PADI4: variants seen among roughly 807,000 people sequenced by gnomAD.
PADI4 encodes protein-arginine deiminase type-4.
PADI4 carries 62 observed loss-of-function variants against 75.0 expected under a neutral mutation model. That is an observed-to-expected ratio of 0.83 (90% CI 0.67 to 1.02). PADI4 has a LOEUF of 1.02. Among genes scored for constraint, PADI4 ranks in the 50% least tolerant of loss-of-function variants. PADI4 has a pLI of 0.00. For synonymous variants in PADI4, 361 were observed against 348.1 expected, an observed-to-expected ratio of 1.04 and a Z score of -0.41; for missense variants, 845 against 850.5, an observed-to-expected ratio of 0.99 and a Z score of 0.08.
In PADI4 at chr1:17,350,191, A is replaced by G. The variant is rs993981070; in HGVS notation, c.1155+2143A>G. Among the ~76,000 whole-genome samples the G allele has an allele frequency of 1.1e-4, 14 of 129,044 alleles. 4 individuals carry two copies. Among genetic ancestry groups the G allele is most frequent in the Non-Finnish European group, 2.1e-4 (12 of 57,270 alleles). The allele number at this position is 129,044 out of a possible 152,430, so 84.7% of individuals were successfully genotyped here. ...GCTGGGCCTGAGGCTGTTATGCCTT[A>G]CGCTGTCCATCGGGCAGCTGGCACA... On this transcript the variant is annotated intron_variant, in intron 10 of 15. Transcript: ENST00000375448.
At chr1:17,325,877 T>C (rs1045463685) in intron 1 of PADI4, among the ~76,000 whole-genome samples, 9 of 152,166 alleles carry the variant, frequency 5.9e-5, no homozygotes, top group Non-Finnish European at 1.3e-4. Context: ...TTAATTTTTG[T>C]ATTTTTAGTA....
chr1:17,335,153 A>G (rs2074287842), intron 3 of PADI4, among the ~76,000 whole-genome samples: 1 of 115,216 alleles, frequency 8.7e-6, no homozygotes, highest in South Asian at 2.9e-4. Context: ...AAAAATATAT[A>G]TATACACACA....
chr1:17,356,410 G>C lies in PADI4; in HGVS notation c.1509G>C (p.Glu503Asp). ...GGTCCTGCTACAAACTGTTCCAGGA[G>C]CAGCAGAATGAGGGCCACGGGGAGG... ...SPRSCYKLFQ[E>D]QQNEGHGEAL... Residue 503 changes from glutamate (E) to aspartate (D), a missense_variant, in exon 13 of 16, where the codon GAG (glutamate) becomes GAC (aspartate). Coordinates refer to ENST00000375448, the MANE Select transcript of PADI4 (RefSeq NM_012387.3). This position sits in a 1 kb window ranked among gnomAD's most constrained non-coding sequence, Gnocchi z 4.1. 6.2e-7 allele frequency: 1 copy of C among 1,613,772 alleles called. No homozygotes were observed. The highest frequency in any genetic ancestry group is 1.1e-5 in the South Asian group (1 of 91,028).
In PADI4 at chr1:17,359,392, CT is replaced by C. The variant is rs747053329; in HGVS notation, c.1748del (p.Phe583SerfsTer5). 7 of 1,613,972 alleles carry C rather than the reference CT, an allele frequency of 4.3e-6. No homozygotes were observed. In the South Asian group the frequency reaches 6.6e-5, roughly 15 times the overall value. On this transcript the variant is annotated frameshift_variant, in exon 15 of 16. Transcript: ENST00000375448. LOFTEE classifies it high-confidence loss of function. ...CTCAAAGAGTTCTCTAAGGCGGAAG[CT>C]TTTTTCCCCAACATGGTGAGGAGGT... is the stretch of plus-strand genomic sequence containing the variant. ...FKLKEFSKAE[A>X]FFPNMVNMLV...
intron 6 of PADI4, among the ~76,000 whole-genome samples, chr1:17,340,800 T>C (rs1570049518): frequency 6.6e-6 from 1 of 151,120 alleles, no homozygotes; most frequent in Non-Finnish European, 1.5e-5. Context: ...CTTTTTTTTT[T>C]TTTTTTTAAT....
intron 4 of PADI4, among the ~76,000 whole-genome samples, chr1:17,336,719 A>G (rs2074319181): frequency 6.6e-6 from 1 of 152,210 alleles, no homozygotes; most frequent in African/African-American, 2.4e-5. Flanking sequence ...GCTGTCTTAA[A>G]CCAGAGTCTG....
chr1:17,353,747 C>G (rs1317289412), intron 10 of PADI4, among the ~76,000 whole-genome samples: 9 of 152,094 alleles, frequency 5.9e-5, no homozygotes, highest in Admixed American at 2.0e-4. Flanking sequence ...GCGGGAGGGC[C>G]TGTGATGATG....
chr1:17,352,151 A>C (rs866095172), intron 10 of PADI4, among the ~76,000 whole-genome samples: 20 of 124,424 alleles, frequency 1.6e-4, no homozygotes, highest in African/African-American at 6.6e-4. Flanking sequence ...TAGGAGAGGC[A>C]ATCAGGGAGG....
In PADI4 at chr1:17,346,749, C is replaced by T. The variant is rs1173962458; in HGVS notation, c.1047+610C>T. ...GCCTTGCTTTGCCTCGGGACCCTGT[C>T]CTTCCATGCCGCACCCCTGCGGTGC... On this transcript the variant is annotated intron_variant, in intron 9 of 15. Transcript: ENST00000375448. The surrounding 1 kb of genome is among the most constrained non-coding windows in gnomAD (Gnocchi z 4.3). 6.6e-6 allele frequency among the ~76,000 whole-genome samples: 1 copy of T among 152,142 alleles called. No homozygotes were observed. The highest frequency in any genetic ancestry group is 2.4e-5 in the African/African-American group (1 of 41,430).
chr1:17,352,215 G>GCAATCAGGGA (rs1557577608), intron 10 of PADI4, among the ~76,000 whole-genome samples: 10 of 107,510 alleles, frequency 9.3e-5, no homozygotes, highest in Admixed American at 6.2e-4. Flanking sequence ...GTGGTAAGAG[G>GCAATCAGGGA]GGTGGTCAGG....
Position 17,339,703 on chromosome 1 carries a change from C to A in PADI4, c.542C>A (p.Ser181Ter), listed in dbSNP as rs146293165. The A allele has an allele frequency of 6.2e-7, 1 of 1,613,808 alleles. No individual in the cohort carries two copies. Among genetic ancestry groups the A allele is most frequent in the East Asian group, 2.2e-5 (1 of 44,876 alleles). ...VLDSEDLQDMSLMTLSTKTPK... is the reference protein window; with the variant it reads ...VLDSEDLQDM ...CTCATCCCAGACCTGCAGGACATGTCGCTGATGACCCTGAGCACGAAGACC... is the reference window on the plus strand; with the variant it reads ...CTCATCCCAGACCTGCAGGACATGTAGCTGATGACCCTGAGCACGAAGACC... Residue 181 changes from serine to a stop codon, truncating the protein, a stop_gained, in exon 6 of 16, where the codon TCG becomes TAG. Transcript: ENST00000375448. LOFTEE classifies it high-confidence loss of function.
intron 13 of PADI4, among the ~76,000 whole-genome samples, chr1:17,357,817 G>C (rs2074785532): frequency 6.6e-6 from 1 of 151,774 alleles, no homozygotes; most frequent in African/African-American, 2.4e-5. Context: ...TGTAATCCCA[G>C]CTACTTGGGA....
At chr1:17,322,076 G>T (rs544207331) in intron 1 of PADI4, among the ~76,000 whole-genome samples, 1 of 152,340 alleles carries the variant, frequency 6.6e-6, no homozygotes, top group East Asian at 1.9e-4. Context: ...CATAAATATA[G>T]CGGAGAGGAA....
chr1:17,308,392 T>A (rs1295843447), intron 1 of PADI4, 78 bp downstream of exon 1: 2 of 1,169,930 alleles, frequency 1.7e-6, no homozygotes, highest in Non-Finnish European at 2.5e-6. Context: ...CACAGGAGCA[T>A]GTGTTTGGCC....
At chr1:17,336,015 T>C (rs2074302359) in intron 3 of PADI4, 144 bp from the exon 4 acceptor site, 1 of 633,610 alleles carries the variant, frequency 1.6e-6, no homozygotes, top group South Asian at 1.8e-5. Context: ...CTTGAACCTG[T>C]GTCTCCTCTG....
intron 8 of PADI4, among the ~76,000 whole-genome samples, chr1:17,342,844 C>T (rs982948078): frequency 1.2e-4 from 18 of 152,114 alleles, no homozygotes; most frequent in African/African-American, 3.1e-4. Context: ...GGCGTGGTGG[C>T]GCATGCCTGT....
chr1:17,349,065 G>GC (rs2074573106), intron 10 of PADI4, among the ~76,000 whole-genome samples: 2 of 152,236 alleles, frequency 1.3e-5, no homozygotes, highest in Non-Finnish European at 2.9e-5. Flanking sequence ...TCCTGGCCAA[G>GC]CTGTGCGCTG....
chr1:17,352,278 G>A (rs1174402512), intron 10 of PADI4, among the ~76,000 whole-genome samples: 2 of 150,384 alleles, frequency 1.3e-5, no homozygotes, highest in East Asian at 2.0e-4. Flanking sequence ...GGGAGGAGAT[G>A]GGGGGCAGTA....
At chr1:17,317,114 T>C (rs115968833) in intron 1 of PADI4, among the ~76,000 whole-genome samples, 1,740 of 152,246 alleles carry the variant, frequency 0.011, 40 homozygotes, top group African/African-American at 0.04. Context: ...CCTGTAGAGA[T>C]GGGGTTTAGC....
Sources: allele counts gnomAD v4.1 joint callset (sites outside exome capture counted in the v4.1 genomes callset), GRCh38; gene constraint gnomAD v4.1.1; non-coding constraint Gnocchi (gnomAD v3.1); transcripts MANE v1.5; gene names NCBI Gene and HGNC (gene_info 2026-07-23, HGNC 2026-07-21).